Variants in RBM34 observed in about 807,000 individuals in gnomAD.
The protein encoded by RBM34 is RNA binding motif protein 34, also known as RNA-binding protein 34.
In RBM34, 39 loss-of-function variants were observed where a neutral mutation model predicts 44.6. The ratio of observed to expected loss-of-function variants is 0.87; its 90% CI spans 0.68 to 1.14. RBM34 has a LOEUF of 1.14. RBM34 is among the 50% of genes most tolerant of loss of function. The pLI is 0.00. For synonymous variants in RBM34, 194 were observed against 184.0 expected (o/e 1.05, Z -0.44); for missense variants, 572 against 517.9 (o/e 1.10, Z -1.01).
intron 6 of RBM34, among the ~76,000 whole-genome samples, chr1:235,142,238 C>T (rs1441118074): frequency 2.6e-5 from 4 of 152,184 alleles, no homozygotes; most frequent in Admixed American, 6.5e-5. Flanking sequence ...GACCCTGCTG[C>T]GCCCACTCCC....
At chr1:235,147,337 A>C (rs184124519) in intron 6 of RBM34, among the ~76,000 whole-genome samples, 112 of 152,322 alleles carry the variant, frequency 7.4e-4, no homozygotes, top group African/African-American at 2.3e-3. Flanking sequence ...TATCCCACTA[A>C]ACTCCTCAGT....
intron 6 of RBM34, among the ~76,000 whole-genome samples, chr1:235,147,704 T>C (rs912680765): frequency 2.0e-5 from 3 of 152,212 alleles, no homozygotes; most frequent in African/African-American, 7.2e-5. Flanking sequence ...ATACAAAAGC[T>C]TGATAGAACA....
rs1351569636 is a variant in RBM34, at chr1:235,131,616, T to C, written c.*97A>G. 18 of 1,358,298 alleles carry C rather than the reference T, an allele frequency of 1.3e-5. No homozygotes were observed. Among genetic ancestry groups the C allele is most frequent in the Middle Eastern group, 2.3e-4 (1 of 4,280 alleles). The allele number at this position is 1,358,298 out of a possible 1,614,324, so 84.1% of individuals were successfully genotyped here. The stretch of plus-strand genomic sequence containing the variant: ...CACATACACCATCCATAAAGAAGTA[T>C]AAAACTCAACACATGAATAGCAGAC... On this transcript the variant is annotated 3_prime_UTR_variant, in exon 11 of 11. Coordinates refer to ENST00000408888, the MANE Select transcript of RBM34 (RefSeq NM_015014.4).
Position 235,131,754 on chromosome 1 carries a change from T to C in RBM34, c.1252A>G (p.Lys418Glu). Residue 418 changes from lysine (K) to glutamate (E), a missense_variant, in exon 11 of 11, where the codon AAG (lysine) becomes GAG (glutamate). Physicochemically the swap from Lys to Glu is moderately conservative, Grantham distance 56. Transcript: ENST00000408888. The stretch of plus-strand genomic sequence containing the variant: ...TGTTTCTTAGGGCGTCCACTTTTCT[T>C]CTGTCCTTTCTTCTTCGTTTTAAGG... ...VLLKTKKKGQ[K>E]KSGRPKKQRK... is the part of the protein sequence containing the mutation. 1 of 1,607,190 alleles carries C rather than the reference T, an allele frequency of 6.2e-7. No homozygotes were observed.
At chr1:235,137,257 T>C (rs1661466608) in intron 8 of RBM34, among the ~76,000 whole-genome samples, 1 of 152,234 alleles carries the variant, frequency 6.6e-6, no homozygotes, top group South Asian at 2.1e-4. Flanking sequence ...TGACAGAGTG[T>C]GTACTAAAAA....
chr1:235,148,582 A>C, intron 5 of RBM34, 135 bp from the exon 6 acceptor site: 2 of 591,670 alleles, frequency 3.4e-6, no homozygotes, highest in Non-Finnish European at 5.2e-6. Flanking sequence ...ACAAATCAGA[A>C]ACAACTGTCC....
At chr1:235,137,760 G>A in intron 8 of RBM34, 117 bp downstream of exon 8, 1 of 751,820 alleles carries the variant, frequency 1.3e-6, no homozygotes, top group Non-Finnish European at 2.2e-6. Flanking sequence ...GACATAGGCT[G>A]TTTCCTTCTG....
In RBM34 at chr1:235,160,914, G is replaced by A. The variant is rs1170741093; in HGVS notation, c.207C>T (p.Pro69=). 2 of 1,614,132 alleles carry A rather than the reference G, an allele frequency of 1.2e-6. No individual in the cohort carries two copies. Among genetic ancestry groups the A allele is most frequent in the Non-Finnish European group, 1.7e-6 (2 of 1,180,026 alleles). ...TTACTTTAGGCACAGGCACGTACAC[G>A]GGTTGAATCTGGGGCTCCAGAGAAC... The part of the protein sequence containing the change: ...LFSSLEPQIQ[P]VYVPVPKQTI... The change falls in exon 2 of 11, where the codon CCC becomes CCT. Residue 69 remains proline, a synonymous_variant. Transcript: ENST00000408888.
intron 3 of RBM34, among the ~76,000 whole-genome samples, chr1:235,155,826 T>TATATAC (rs1662390593): frequency 1.6e-4 from 2 of 12,402 alleles, no homozygotes; most frequent in Non-Finnish European, 2.6e-4. Context: ...CATATACATA[T>TATATAC]ATATATATAT....
intron 5 of RBM34, among the ~76,000 whole-genome samples, chr1:235,151,517 C>T (rs1443386363): frequency 6.6e-6 from 1 of 152,154 alleles, no homozygotes; most frequent in African/African-American, 2.4e-5. Flanking sequence ...GGCAGTTGTG[C>T]CTCCTCTAAC....
intron 5 of RBM34, among the ~76,000 whole-genome samples, chr1:235,152,022 G>A (rs774239206): frequency 3.0e-5 from 4 of 131,424 alleles, no homozygotes; most frequent in Non-Finnish European, 6.4e-5. Context: ...GAGACACAGC[G>A]AGACTCTGTC....
chr1:235,137,914 A>T lies in RBM34; in HGVS notation c.812T>A (p.Phe271Tyr), dbSNP rs1429738201. 1.2e-6 allele frequency: 2 copies of T among 1,605,442 alleles called. No individual in the cohort carries two copies. Among genetic ancestry groups the T allele is most frequent in the Admixed American group, 1.7e-5 (1 of 59,754 alleles). The change falls in exon 8 of 11, where the codon TTT becomes TAT. Residue 271 changes from phenylalanine to tyrosine, a missense_variant. Coordinates refer to ENST00000408888, the MANE Select transcript of RBM34 (RefSeq NM_015014.4). ...KRNGAQIADGFRIRVDLASET... is the reference protein window; with the variant it reads ...KRNGAQIADGYRIRVDLASET... The stretch of plus-strand genomic sequence containing the variant: ...AGATGCGAGATCAACTCTAATACGA[A>T]ATCCATCTGCAATCTGGGCCCCATT...
At chr1:235,152,163 G>A (rs1034833861) in intron 5 of RBM34, among the ~76,000 whole-genome samples, 1 of 151,984 alleles carries the variant, frequency 6.6e-6, no homozygotes, top group Non-Finnish European at 1.5e-5. Flanking sequence ...ATCATGTATG[G>A]GAAAACCAAA....
intron 3 of RBM34, among the ~76,000 whole-genome samples, chr1:235,156,881 T>C (rs1662473781): frequency 1.3e-5 from 2 of 152,172 alleles, no homozygotes; most frequent in South Asian, 2.1e-4. Flanking sequence ...CTATAATACA[T>C]GGTATGCAAA....
intron 5 of RBM34, among the ~76,000 whole-genome samples, chr1:235,149,949 T>C (rs1662086424): frequency 6.6e-6 from 1 of 152,122 alleles, no homozygotes; most frequent in Non-Finnish European, 1.5e-5. Context: ...CTCTCAAACC[T>C]CAAAAAAACA....
chr1:235,143,247 T>C (rs1242314702), intron 6 of RBM34, among the ~76,000 whole-genome samples: 1 of 152,184 alleles, frequency 6.6e-6, no homozygotes, highest in Admixed American at 6.5e-5. Flanking sequence ...GACATTCTCA[T>C]CGATAGCTGG....
intron 4 of RBM34, among the ~76,000 whole-genome samples, chr1:235,153,762 G>T (rs1441315084): frequency 6.6e-6 from 1 of 152,144 alleles, no homozygotes; most frequent in Non-Finnish European, 1.5e-5. Context: ...ATCAAGTAGA[G>T]TTTAAACTGT....
chr1:235,160,294 T>G, intron 3 of RBM34: 1 of 706,214 alleles, frequency 1.4e-6, no homozygotes, highest in Middle Eastern at 2.3e-4. Flanking sequence ...ATGAGTGGGG[T>G]AAAAATACAA....
chr1:235,150,374 T>A (rs1173229403), intron 5 of RBM34, among the ~76,000 whole-genome samples: 6 of 152,106 alleles, frequency 3.9e-5, no homozygotes, highest in Admixed American at 3.9e-4. Context: ...CCGGCCTACA[T>A]CCTGTCATTA....
Sources: allele counts gnomAD v4.1 joint callset (sites outside exome capture counted in the v4.1 genomes callset), GRCh38; gene constraint gnomAD v4.1.1; transcripts MANE v1.5; gene names NCBI Gene and HGNC (gene_info 2026-07-23, HGNC 2026-07-21).